The following TCF20 variants were observed in gnomAD, a reference collection of about 807,000 sequenced individuals.
TCF20 encodes the protein SPRE-binding protein.
A neutral mutation model predicts 148.6 loss-of-function variants in TCF20; 3 were observed. The ratio of observed to expected loss-of-function variants is 0.02; its 90% confidence interval spans 0.01 to 0.05. The LOEUF (loss-of-function observed/expected upper bound fraction) is 0.05. Among genes scored for constraint, TCF20 ranks in the 10% least tolerant of loss-of-function variants. The pLI is 1.00. For synonymous variants in TCF20, 1,049 were observed against 909.5 expected (o/e 1.15, Z -2.76); for missense variants, 2,350 against 2,429.3 (o/e 0.97, Z 0.69).
chr22:42,161,405 T>C, intron 5 of TCF20, 47 bp from the exon 6 acceptor site: 1 of 1,613,346 alleles, frequency 6.2e-7, no homozygotes, highest in Non-Finnish European at 8.5e-7. Context: ...CTCCACAGGG[T>C]CCACCACCAA....
chr22:42,343,256 C>T (rs1485672825), intron 1 of TCF20, among the ~76,000 whole-genome samples: 1 of 152,134 alleles, frequency 6.6e-6, no homozygotes, highest in Non-Finnish European at 1.5e-5. Context: ...ACAATGGGGA[C>T]AAACACCCCC....
Position 42,214,045 on chromosome 22 carries a change from T to C in TCF20, c.1261A>G (p.Thr421Ala). ...TTAGGACTGGGCATCATTGATGGGG[T>C]TGGACTGAGTTGAGGCATTAACTGT... ...ILQLMPQLSP[T>A]PSMMPSPNSH... The change falls in exon 2 of 6, where the codon ACC (threonine) becomes GCC (alanine). Residue 421 changes from threonine (T) to alanine (A), a missense_variant. Physicochemically the swap from Thr to Ala is moderately conservative, Grantham distance 58. Coordinates refer to ENST00000677622, the MANE Select transcript of TCF20 (RefSeq NM_001378418.1). The C allele has an allele frequency of 1.2e-6, 2 of 1,614,086 alleles. No individual in the cohort carries two copies. Among genetic ancestry groups the C allele is most frequent in the Non-Finnish European group, 1.7e-6 (2 of 1,180,014 alleles).
intron 2 of TCF20, among the ~76,000 whole-genome samples, chr22:42,196,108 C>A (rs1054321266): frequency 3.3e-5 from 5 of 152,194 alleles, no homozygotes; most frequent in Non-Finnish European, 2.9e-5. Flanking sequence ...TCTGTGTAAC[C>A]TGCAAAGGGA....
chr22:42,298,350 G>A (rs886748064), intron 1 of TCF20, among the ~76,000 whole-genome samples: 6 of 152,222 alleles, frequency 3.9e-5, no homozygotes, highest in African/African-American at 1.2e-4. Context: ...AGGGCCGACT[G>A]TTGTTGGGGC....
intron 2 of TCF20, among the ~76,000 whole-genome samples, chr22:42,195,403 TCTCA>T (rs1327638918): frequency 6.6e-6 from 1 of 151,916 alleles, no homozygotes; most frequent in Non-Finnish European, 1.5e-5. Flanking sequence ...CAAAAATCAG[TCTCA>T]CTACCAAAAC....
chr22:42,160,622 C>A lies in TCF20; in HGVS notation c.*781G>T, dbSNP rs187013183. ...TGACCTCAGGCATCTGCCAATTTCA[C>A]CCCCAAAAAGAAAAAATTAAAAAAA... On this transcript the variant is annotated 3_prime_UTR_variant, in exon 6 of 6. Transcript: ENST00000677622. 6.0e-5 allele frequency: 9 copies of A among 150,240 alleles called. No homozygotes were observed. In the East Asian group the frequency reaches 7.7e-4, roughly 13 times the overall value. 9.3% of individuals were successfully genotyped at this position (150,240 alleles called of 1,614,324 possible). A position where few individuals can be genotyped will look rare whatever the true frequency, so the allele number is the denominator to read the frequency against.
At chr22:42,266,330 A>G (rs1926285265) in intron 1 of TCF20, among the ~76,000 whole-genome samples, 1 of 152,238 alleles carries the variant, frequency 6.6e-6, no homozygotes, top group African/African-American at 2.4e-5. Context: ...CCTTGGACAG[A>G]GTCTAGCACA....
chr22:42,166,328 C>T (rs1171541319), intron 5 of TCF20, among the ~76,000 whole-genome samples: 2 of 152,206 alleles, frequency 1.3e-5, no homozygotes, highest in African/African-American at 4.8e-5. Context: ...CAAGAGTTGG[C>T]CGGGCGCCGT....
intron 1 of TCF20, among the ~76,000 whole-genome samples, chr22:42,329,095 T>G (rs1033264898): frequency 6.6e-6 from 1 of 152,220 alleles, no homozygotes; most frequent in Admixed American, 6.5e-5. Flanking sequence ...CAGAGACTGG[T>G]GGGGTCTCCA....
chr22:42,204,390 G>A (rs745437336), intron 2 of TCF20, among the ~76,000 whole-genome samples: 2 of 152,154 alleles, frequency 1.3e-5, no homozygotes, highest in Non-Finnish European at 2.9e-5. Flanking sequence ...AGCTACTGGG[G>A]AGGCTGAGAC....
chr22:42,176,357 G>A (rs5758626), intron 3 of TCF20, among the ~76,000 whole-genome samples: 27,285 of 142,020 alleles, frequency 0.19, 2,723 homozygotes, highest in East Asian at 0.35. Flanking sequence ...GGAGCTGCAA[G>A]CAACTGCTGC....
intron 1 of TCF20, among the ~76,000 whole-genome samples, chr22:42,337,038 C>A (rs910045960): frequency 1.4e-4 from 21 of 152,292 alleles, no homozygotes; most frequent in Non-Finnish European, 2.6e-4. Flanking sequence ...TGCCCTCGGG[C>A]CTGGCACACA....
chr22:42,306,181 G>A (rs1315191420), intron 1 of TCF20, among the ~76,000 whole-genome samples: 3 of 152,372 alleles, frequency 2.0e-5, no homozygotes, highest in Non-Finnish European at 2.9e-5. Context: ...GCCGCTGTGC[G>A]CGCCGCTGCC....
chr22:42,291,546 G>A (rs1216899457), intron 1 of TCF20, among the ~76,000 whole-genome samples: 2 of 152,204 alleles, frequency 1.3e-5, no homozygotes, highest in Non-Finnish European at 2.9e-5. Flanking sequence ...CCTGTGCTGG[G>A]ACCGCCTCTG....
chr22:42,171,041 G>A (rs1250279723), intron 3 of TCF20, among the ~76,000 whole-genome samples: 1 of 152,162 alleles, frequency 6.6e-6, no homozygotes, highest in Admixed American at 6.5e-5. Context: ...AATCCTTGGA[G>A]GAAAAATGAT....
At chr22:42,318,397 C>T (rs1332223698) in intron 1 of TCF20, among the ~76,000 whole-genome samples, 1 of 152,322 alleles carries the variant, frequency 6.6e-6, no homozygotes, top group Non-Finnish European at 1.5e-5. Flanking sequence ...TAACACCCTC[C>T]ACTTCCCTCG....
intron 1 of TCF20, among the ~76,000 whole-genome samples, chr22:42,291,634 G>A (rs1270350713): frequency 2.0e-5 from 3 of 152,126 alleles, no homozygotes; most frequent in Non-Finnish European, 4.4e-5. Context: ...GGAATCAGAG[G>A]AGAGCAAGAA....
chr22:42,227,006 G>C (rs1922968923), intron 1 of TCF20, among the ~76,000 whole-genome samples: 1 of 152,112 alleles, frequency 6.6e-6, no homozygotes, highest in African/African-American at 2.4e-5. Flanking sequence ...TTTAAGACTG[G>C]GCGTGGTGGC....
At chr22:42,260,493 A>G (rs1392715698) in intron 1 of TCF20, among the ~76,000 whole-genome samples, 1 of 152,200 alleles carries the variant, frequency 6.6e-6, no homozygotes, top group Non-Finnish European at 1.5e-5. Flanking sequence ...AGTTCAGATA[A>G]GAGGGTATGG....
Sources: allele counts gnomAD v4.1 joint callset (sites outside exome capture counted in the v4.1 genomes callset), GRCh38; gene constraint gnomAD v4.1.1; transcripts MANE v1.5; gene names NCBI Gene and HGNC (gene_info 2026-07-23, HGNC 2026-07-21).